The following DMD variants were observed in gnomAD, a reference collection of about 807,000 sequenced individuals.
The protein encoded by DMD is mutant dystrophin.
DMD carries 63 observed loss-of-function variants against 330.1 expected under a neutral mutation model. That is an observed-to-expected ratio of 0.19 (90% confidence interval 0.16 to 0.24). DMD has a LOEUF of 0.24. Ranked by LOEUF, DMD falls within the 10% of genes least tolerant of loss-of-function variation. DMD has a pLI of 1.00. For synonymous variants in DMD, 1,223 were observed against 959.8 expected (o/e 1.27, Z -5.07); for missense variants, 3,344 against 2,684.1 (o/e 1.25, Z -5.43).
At chrX:33,331,867 T>C (rs2054183338) in intron 1 of DMD, among the ~76,000 whole-genome samples, 2 of 111,853 alleles carry the variant, frequency 1.8e-5, no homozygotes, top group Non-Finnish European at 3.8e-5. Flanking sequence ...AAGCCAGTCA[T>C]GTTAGGCATA....
At chrX:31,962,839 C>T (rs867645129) in intron 45 of DMD, among the ~76,000 whole-genome samples, 5 of 111,360 alleles carry the variant, frequency 4.5e-5, no homozygotes, top group South Asian at 3.8e-4. Flanking sequence ...ACAGAGCAAG[C>T]GGACGGGACA....
intron 9 of DMD, among the ~76,000 whole-genome samples, chrX:32,680,430 A>G (rs2062321485): frequency 9.0e-6 from 1 of 111,313 alleles, no homozygotes; most frequent in Non-Finnish European, 1.9e-5. Flanking sequence ...GTCCTCAGGC[A>G]CTGAGTAGAG....
chrX:32,664,983 G>A (rs1364433006), intron 9 of DMD, among the ~76,000 whole-genome samples: 1 of 112,029 alleles, frequency 8.9e-6, no homozygotes, highest in African/African-American at 3.3e-5. Flanking sequence ...AACCTGGAAT[G>A]TGTGGTGCCT....
chrX:32,156,183 T>G (rs2096829518), intron 44 of DMD, among the ~76,000 whole-genome samples: 1 of 111,709 alleles, frequency 9.0e-6, no homozygotes, highest in African/African-American at 3.3e-5. Context: ...AGATCGAGAC[T>G]GTCCTGGCCA....
intron 55 of DMD, among the ~76,000 whole-genome samples, chrX:31,516,553 G>A (rs1455043483): frequency 8.9e-6 from 1 of 111,956 alleles, no homozygotes; most frequent in Admixed American, 9.5e-5. Flanking sequence ...GAGGACTGCT[G>A]TTTGGCTTGG....
chrX:32,424,918 T>C (rs1414100261), intron 29 of DMD, among the ~76,000 whole-genome samples: 1 of 111,538 alleles, frequency 9.0e-6, no homozygotes, highest in Non-Finnish European at 1.9e-5. Flanking sequence ...TGTTTCAGAA[T>C]ATAATCAAAT....
chrX:31,711,450 A>G (rs967945180), intron 52 of DMD, among the ~76,000 whole-genome samples: 2 of 111,652 alleles, frequency 1.8e-5, no homozygotes, highest in Non-Finnish European at 3.8e-5. Flanking sequence ...AGTATGCTCT[A>G]CAAATCTTTT....
At chrX:32,964,128 C>T (rs754566215) in intron 2 of DMD, among the ~76,000 whole-genome samples, 74 of 106,660 alleles carry the variant, frequency 6.9e-4, no homozygotes, top group Non-Finnish European at 1.1e-3. Flanking sequence ...TGGTGGTGCG[C>T]GTCTGTAGTC....
intron 55 of DMD, among the ~76,000 whole-genome samples, chrX:31,597,536 T>C (rs983599214): frequency 9.0e-6 from 1 of 111,545 alleles, no homozygotes; most frequent in Non-Finnish European, 1.9e-5. Flanking sequence ...GAATGGCCCT[T>C]TGTTGAAACT....
At chrX:32,086,596 A>G (rs1012338824) in intron 44 of DMD, among the ~76,000 whole-genome samples, 3 of 111,416 alleles carry the variant, frequency 2.7e-5, no homozygotes, top group Admixed American at 1.9e-4. Context: ...CATGATATGA[A>G]TTGTCACTCC....
intron 2 of DMD, among the ~76,000 whole-genome samples, chrX:32,998,368 CAAAAAAAAAA>C (rs35708010): frequency 2.9e-5 from 1 of 34,684 alleles, no homozygotes; most frequent in African/African-American, 8.9e-5. Context: ...GACCCAGTGT[CAAAAAAAAAA>C]AAAAAAAAAA....
chrX:32,726,244 G>T (rs2066868667), intron 7 of DMD, among the ~76,000 whole-genome samples: 2 of 111,157 alleles, frequency 1.8e-5, no homozygotes, highest in Admixed American at 1.9e-4. Flanking sequence ...TAGTTCGATA[G>T]ATAAGGTCAT....
At chrX:31,697,293 T>C (rs2083504407) in intron 52 of DMD, among the ~76,000 whole-genome samples, 1 of 111,957 alleles carries the variant, frequency 8.9e-6, no homozygotes, top group Non-Finnish European at 1.9e-5. Flanking sequence ...AGTGAAATAA[T>C]AATAAAGTAT....
At chrX:32,278,989 G>T (rs1451005619) in intron 43 of DMD, among the ~76,000 whole-genome samples, 1 of 111,791 alleles carries the variant, frequency 8.9e-6, no homozygotes, top group African/African-American at 3.2e-5. Flanking sequence ...AATTAGATCA[G>T]AAAATAGACA....
intron 64 of DMD, among the ~76,000 whole-genome samples, chrX:31,210,140 G>T (rs964512967): frequency 6.3e-5 from 7 of 111,851 alleles, no homozygotes; most frequent in Non-Finnish European, 1.1e-4. Flanking sequence ...TATGGCTAAG[G>T]TTGTGTAAAC....
intron 2 of DMD, among the ~76,000 whole-genome samples, chrX:32,995,206 C>T (rs1156823115): frequency 2.7e-5 from 3 of 112,741 alleles, no homozygotes; most frequent in Non-Finnish European, 5.6e-5. Flanking sequence ...ATCTGTATGA[C>T]ATCTCTGTTC....
At chrX:31,743,821 A>T (rs929449503) in intron 51 of DMD, among the ~76,000 whole-genome samples, 3 of 109,677 alleles carry the variant, frequency 2.7e-5, no homozygotes, top group Non-Finnish European at 5.7e-5. Flanking sequence ...CTACACATGT[A>T]CTCCCTGAAT....
chrX:31,601,438 T>C (rs1180167994), intron 55 of DMD, among the ~76,000 whole-genome samples: 1 of 112,230 alleles, frequency 8.9e-6, no homozygotes, highest in Non-Finnish European at 1.9e-5. Flanking sequence ...CTGTTCCAGA[T>C]CGTGGGCCAC....
In DMD at chrX:32,380,400, A is replaced by C. The variant is rs1448221928; in HGVS notation, c.4845+110T>G. 1.5e-5 allele frequency: 11 copies of C among 728,580 alleles called. No homozygotes were observed. In the East Asian group the frequency reaches 3.7e-4, roughly 25 times the overall value. 60.0% of individuals were successfully genotyped at this position (728,580 alleles called of 1,213,427 possible). On this transcript the variant is annotated intron_variant, in intron 34 of 78. Transcript: ENST00000357033. The stretch of plus-strand genomic sequence containing the variant: ...ATTTTTAAGAAAGGGAATATGAAAC[A>C]ATATTAATATTTATAATGCTATTAT...
Sources: gnomAD v4.1 joint callset for allele counts (sites outside exome capture counted in the v4.1 genomes callset) on GRCh38, gnomAD v4.1.1 for gene constraint, MANE v1.5 for transcripts, NCBI Gene and HGNC (gene_info 2026-07-23, HGNC 2026-07-21) for gene names.